The following UBE4A variants were observed in gnomAD, a reference collection of about 807,000 sequenced individuals.
UBE4A encodes ubiquitin conjugation factor E4 A.
In UBE4A, 48 loss-of-function variants were observed where a neutral mutation model predicts 117.9. That is an observed-to-expected ratio of 0.41 (90% CI 0.32 to 0.52). UBE4A has a LOEUF of 0.52. UBE4A is among the 20% of genes least tolerant of loss of function. The pLI is 0.33. For synonymous variants in UBE4A, 407 were observed against 450.0 expected, an observed-to-expected ratio of 0.90 and a Z score of 1.21; for missense variants, 1,067 against 1,296.3, an observed-to-expected ratio of 0.82 and a Z score of 2.72.
intron 11 of UBE4A, 82 bp from the exon 12 acceptor site, chr11:118,381,309 A>G (rs1555126301): frequency 7.9e-6 from 12 of 1,510,834 alleles, no homozygotes; most frequent in Non-Finnish European, 9.0e-7. Context: ...TTCATTAAGT[A>G]GGGTGAAAGG....
chr11:118,376,613 A>C lies in UBE4A; in HGVS notation c.1490A>C (p.Glu497Ala), dbSNP rs1169064249. ...ACCTGTTTGATCCCAGCTGTGCAGG[A>C]GCCGAAGTTTCCACAGAACTACAAC... ...KETCLIPAVQ[E>A]PKFPQNYNLV... The change falls in exon 10 of 20, where the codon GAG becomes GCG. Residue 497 changes from glutamate to alanine, a missense_variant. Transcript: ENST00000252108. The C allele has an allele frequency of 1.9e-6, 3 of 1,613,700 alleles. No individual in the cohort carries two copies. In the Admixed American group the frequency reaches 5.0e-5, roughly 27 times the overall value.
rs1948637910 is a variant in UBE4A at position 118,374,928 on chromosome 11, G to C, written c.1149G>C (p.Gln383His). ...CTCAGTTCCACGAAAAGATCTACCA[G>C]ATGCTGAAGAACTTACTCCAGCTCT... ...FMAQFHEKIYQMLKNLLQLSP... is the reference protein window; with the variant it reads ...FMAQFHEKIYHMLKNLLQLSP... Residue 383 changes from glutamine to histidine, a missense_variant, in exon 9 of 20, where the codon CAG (glutamine) becomes CAC (histidine). This residue lies in a region of UBE4A where 1,001 missense variants were observed against 1,184.0 expected (regional missense o/e 0.85). Transcript: ENST00000252108. 1 of 1,550,936 alleles carries C rather than the reference G, an allele frequency of 6.4e-7. No homozygotes were observed. Among genetic ancestry groups the C allele is most frequent in the South Asian group, 1.2e-5 (1 of 80,204 alleles).
intron 19 of UBE4A, among the ~76,000 whole-genome samples, chr11:118,394,323 TA>T (rs1262052874): frequency 1.3e-5 from 2 of 152,088 alleles, no homozygotes; most frequent in Non-Finnish European, 2.9e-5. Context: ...GTTCCTGGCT[TA>T]TTTATTTTTG....
chr11:118,386,398 A>G, intron 15 of UBE4A, 40 bp from the exon 16 acceptor site: 1 of 1,567,434 alleles, frequency 6.4e-7, no homozygotes, highest in Non-Finnish European at 8.6e-7. Flanking sequence ...CTTCAACTGC[A>G]CCTTTCTTCT....
chr11:118,384,536 C>A, intron 13 of UBE4A, 99 bp from the exon 14 acceptor site: 1 of 1,138,730 alleles, frequency 8.8e-7, no homozygotes, highest in South Asian at 1.4e-5. Flanking sequence ...TTAACACACT[C>A]AAAAGCAAAT....
At chr11:118,387,880 T>G (rs1948774030) in intron 16 of UBE4A, among the ~76,000 whole-genome samples, 1 of 152,100 alleles carries the variant, frequency 6.6e-6, no homozygotes, top group South Asian at 2.1e-4. Flanking sequence ...GAAAGGAGCT[T>G]GTGTGGCCAC....
At chr11:118,364,759 G>A (rs1390204459) in intron 1 of UBE4A, among the ~76,000 whole-genome samples, 2 of 151,924 alleles carry the variant, frequency 1.3e-5, no homozygotes, top group South Asian at 2.1e-4. Context: ...TTTCTTAAAG[G>A]TATTGCAAAT....
In UBE4A at chr11:118,374,890, G is replaced by C. The variant is rs782796704; in HGVS notation, c.1117-6G>C. 1.3e-6 allele frequency: 2 copies of C among 1,500,928 alleles called. No individual in the cohort carries two copies. The highest frequency in any genetic ancestry group is 2.8e-5 in the South Asian group (2 of 72,382). The allele number at this position is 1,500,928 out of a possible 1,614,324, so 93.0% of individuals were successfully genotyped here. A position where few individuals can be genotyped will look rare whatever the true frequency, so the allele number is the denominator to read the frequency against. ...CGTTCTGTGGTTGTGTTTTCTGGTT[G>C]AACAGTTCATGGCTCAGTTCCACGA... On this transcript the variant is annotated splice_region_variant and splice_polypyrimidine_tract_variant and intron_variant, in intron 8 of 19. Coordinates refer to ENST00000252108, the MANE Select transcript of UBE4A (RefSeq NM_001204077.2).
chr11:118,373,265 A>G lies in UBE4A; in HGVS notation c.901A>G (p.Thr301Ala), dbSNP rs1049457136. 1 of 1,612,616 alleles carries G rather than the reference A, an allele frequency of 6.2e-7. No individual in the cohort carries two copies. Among genetic ancestry groups the G allele is most frequent in the African/African-American group, 1.3e-5 (1 of 74,886 alleles). ...YAYLDILLYFTRQKDMAKVFV... is the reference protein window; with the variant it reads ...YAYLDILLYFARQKDMAKVFV... The stretch of plus-strand genomic sequence containing the variant: ...ATATCTGGATATTCTTCTCTATTTC[A>G]CTAGGCAAAAAGATATGGCAAAGGT... Residue 301 changes from threonine (T) to alanine (A), a missense_variant, in exon 7 of 20, where the codon ACT (threonine) becomes GCT (alanine). Physicochemically the swap from Thr to Ala is moderately conservative, Grantham distance 58. Coordinates refer to ENST00000252108, the MANE Select transcript of UBE4A (RefSeq NM_001204077.2).
chr11:118,369,832 G>A lies in UBE4A; in HGVS notation c.408+297G>A, dbSNP rs767191154. Among the ~76,000 whole-genome samples the A allele has an allele frequency of 3.3e-5, 5 of 152,074 alleles. No individual in the cohort carries two copies. In the East Asian group the frequency reaches 7.7e-4, roughly 24 times the overall value. On this transcript the variant is annotated intron_variant, in intron 4 of 19. Coordinates refer to ENST00000252108, the MANE Select transcript of UBE4A (RefSeq NM_001204077.2). ...GCCTTGGCCAGGCACATTGACTCAC[G>A]CCTGTAATCCCAGCACTTTGGGAGG...
chr11:118,375,295 C>T, intron 9 of UBE4A, 66 bp downstream of exon 9: 1 of 1,359,390 alleles, frequency 7.4e-7, no homozygotes, highest in African/African-American at 1.5e-5. Context: ...AGCATTCACT[C>T]CCTTATCCTT....
chr11:118,362,276 C>T (rs1591291984), intron 1 of UBE4A, among the ~76,000 whole-genome samples: 1 of 152,102 alleles, frequency 6.6e-6, no homozygotes, highest in African/African-American at 2.4e-5. Context: ...GTGCACGCCA[C>T]CATGCCTGGC....
At chr11:118,392,377 C>A (rs1443125964) in intron 18 of UBE4A, among the ~76,000 whole-genome samples, 3 of 152,096 alleles carry the variant, frequency 2.0e-5, no homozygotes, top group Non-Finnish European at 4.4e-5. Flanking sequence ...CAAATAATAC[C>A]CTCCTCCATT....
Position 118,372,518 on chromosome 11 carries a change from T to A in UBE4A, c.573T>A (p.Val191=), listed in dbSNP as rs112556830. The A allele has an allele frequency of 3.1e-6, 5 of 1,601,376 alleles. No individual in the cohort carries two copies. The African/African-American group carries it at 4.1e-5, about 13-fold the overall frequency. Residue 191 remains valine, a synonymous_variant, in exon 6 of 20, where the codon GTT becomes GTA. Coordinates refer to ENST00000252108, the MANE Select transcript of UBE4A (RefSeq NM_001204077.2). ...CATGCTGTTTGCAGATTACCAAAGTTCCAGAGAACCTGCTACCCTTTGCAG... is the reference window on the plus strand; with the variant it reads ...CATGCTGTTTGCAGATTACCAAAGTACCAGAGAACCTGCTACCCTTTGCAG... ...FQRAKEEITK[V]PENLLPFAVQ... is the part of the protein sequence containing the mutation.
At chr11:118,389,701 C>T in intron 16 of UBE4A, 24 bp from the exon 17 acceptor site, 1 of 1,561,014 alleles carries the variant, frequency 6.4e-7, no homozygotes, top group Non-Finnish European at 8.8e-7. Flanking sequence ...ATTGAGTTTT[C>T]AGAGACTTTG....
intron 16 of UBE4A, 43 bp downstream of exon 16, chr11:118,386,655 C>A: frequency 6.7e-7 from 1 of 1,481,630 alleles, no homozygotes; most frequent in South Asian, 1.4e-5. Flanking sequence ...AAGTAATGGC[C>A]AAGATCAGCT....
chr11:118,388,716 G>GA (rs1948783524), intron 16 of UBE4A, among the ~76,000 whole-genome samples: 1 of 150,976 alleles, frequency 6.6e-6, no homozygotes, highest in African/African-American at 2.4e-5. Flanking sequence ...ATAAGTGTAG[G>GA]AAAAAACTGA....
intron 11 of UBE4A, 30 bp downstream of exon 11, chr11:118,379,780 G>A (rs1948684816): frequency 1.3e-6 from 2 of 1,581,804 alleles, no homozygotes; most frequent in Admixed American, 1.7e-5. Flanking sequence ...GGAATGTCCT[G>A]TTTATAGCCT....
chr11:118,389,160 C>CGAAT (rs1555127765), intron 16 of UBE4A, among the ~76,000 whole-genome samples: 2 of 152,138 alleles, frequency 1.3e-5, no homozygotes, highest in Non-Finnish European at 2.9e-5. Context: ...CACCCCTATT[C>CGAAT]TATAGAACTT....
Sources: gnomAD v4.1 joint callset for allele counts (sites outside exome capture counted in the v4.1 genomes callset) on GRCh38, gnomAD v4.1.1 for gene constraint, gnomAD v4.1.1 regional missense constraint, MANE v1.5 for transcripts, NCBI Gene and HGNC (gene_info 2026-07-23, HGNC 2026-07-21) for gene names.